CGGBP1: variants seen among roughly 807,000 people sequenced by gnomAD.
The protein encoded by CGGBP1 is CGG triplet repeat-binding protein 1.
A neutral mutation model predicts 11.4 loss-of-function variants in CGGBP1; 4 were observed. That is an observed-to-expected ratio of 0.35 (90% CI 0.17 to 0.80). The LOEUF (loss-of-function observed/expected upper bound fraction) is 0.80. Ranked by LOEUF, CGGBP1 falls within the 30% of genes least tolerant of loss-of-function variation. The pLI, the probability that CGGBP1 is intolerant of heterozygous loss-of-function variation, is 0.52. For synonymous variants in CGGBP1, 76 were observed against 74.1 expected, an observed-to-expected ratio of 1.03 and a Z score of -0.13; for missense variants, 135 against 202.1, an observed-to-expected ratio of 0.67 and a Z score of 2.01.
At position 88,055,788 on chromosome 3, in the gene CGGBP1, C is replaced by G; in HGVS notation, c.189G>C (p.Lys63Asn). The G allele has an allele frequency of 1.9e-6, 3 of 1,614,182 alleles. No homozygotes were observed. The highest frequency in any genetic ancestry group is 2.5e-6 in the Non-Finnish European group (3 of 1,180,026). The change falls in exon 4 of 4, where the codon AAG becomes AAC. Residue 63 changes from lysine to asparagine, a missense_variant. Lys to Asn is a moderately conservative substitution (Grantham distance 94, BLOSUM62 0). Transcript: ENST00000482016. The surrounding 1 kb of genome is among the most constrained non-coding windows in gnomAD (Gnocchi z 4.2). ...VRKSAISDHL[K>N]SKTHTKRKAE... ...CCTTCCTCTTGGTATGAGTCTTTGA[C>G]TTGAGGTGGTCACTAATGGCAGACT... is the stretch of plus-strand genomic sequence containing the variant.
chr3:88,123,011 CAA>C (rs1289535548), intron 2 of CGGBP1, among the ~76,000 whole-genome samples: 23 of 76,056 alleles, frequency 3.0e-4, no homozygotes, highest in East Asian at 3.6e-4. Context: ...CTCTGAGTCT[CAA>C]AAAAAAAAAA....
chr3:88,115,393 A>G (rs1705330174), intron 2 of CGGBP1, among the ~76,000 whole-genome samples: 1 of 152,238 alleles, frequency 6.6e-6, no homozygotes, highest in African/African-American at 2.4e-5. Context: ...AATGGAGGCA[A>G]TAACTATACT....
intron 2 of CGGBP1, among the ~76,000 whole-genome samples, chr3:88,119,004 A>G (rs1705587878): frequency 1.3e-5 from 2 of 148,252 alleles, no homozygotes; most frequent in South Asian, 2.2e-4. Context: ...AGAACTGGAA[A>G]TACCATTTGA....
chr3:88,079,356 T>G (rs1707967568), intron 2 of CGGBP1, among the ~76,000 whole-genome samples: 1 of 152,084 alleles, frequency 6.6e-6, no homozygotes, highest in South Asian at 2.1e-4. Context: ...GATGAAAGGA[T>G]AGCAGATATT....
At chr3:88,141,044 T>C (rs376086656) in exon 2 of CGGBP1, 2 of 1,590,314 alleles carry the variant, frequency 1.3e-6, no homozygotes, top group East Asian at 2.2e-5. Context: ...ATTCAGATGA[T>C]GAAAGTAAGT....
At chr3:88,096,736 T>C (rs979044405) in intron 2 of CGGBP1, among the ~76,000 whole-genome samples, 1 of 152,118 alleles carries the variant, frequency 6.6e-6, no homozygotes, top group African/African-American at 2.4e-5. Flanking sequence ...AGGTAATACA[T>C]GTTCATGGTT....
At chr3:88,059,241 A>G (rs116822668), upstream of CGGBP1, 8,638 of 1,520,898 alleles carry the variant, frequency 5.7e-3, 375 homozygotes, top group African/African-American at 0.099. Flanking sequence ...GGAACTAGAG[A>G]GGAGGAGGAG....
intron 2 of CGGBP1, among the ~76,000 whole-genome samples, chr3:88,100,460 A>G (rs1450235805): frequency 5.9e-5 from 9 of 152,224 alleles, no homozygotes; most frequent in African/African-American, 2.2e-4. Flanking sequence ...TGACCCAGCC[A>G]TCCCATTACT....
At chr3:88,061,621 G>A (rs183527051), upstream of CGGBP1, among the ~76,000 whole-genome samples, 1 of 152,122 alleles carries the variant, frequency 6.6e-6, no homozygotes, top group East Asian at 1.9e-4. Flanking sequence ...GCTTTTAGAT[G>A]GAATAAAATA....
intron 2 of CGGBP1, among the ~76,000 whole-genome samples, chr3:88,075,309 G>A (rs1185202912): frequency 6.6e-6 from 1 of 152,150 alleles, no homozygotes; most frequent in Non-Finnish European, 1.5e-5. Context: ...CCTGTGTTCT[G>A]CTCTTGCATC....
At chr3:88,075,619 T>G (rs13095505) in intron 2 of CGGBP1, among the ~76,000 whole-genome samples, 3,090 of 152,360 alleles carry the variant, frequency 0.02, 47 homozygotes, top group Middle Eastern at 0.041. Flanking sequence ...TTTGTTCTAC[T>G]TTATTGGCAG....
At chr3:88,102,296 T>C (rs1359623524) in intron 2 of CGGBP1, among the ~76,000 whole-genome samples, 2 of 152,202 alleles carry the variant, frequency 1.3e-5, no homozygotes, top group African/African-American at 4.8e-5. Flanking sequence ...TCAGGGATGC[T>C]ACCTGAAGGG....
chr3:88,135,040 C>T, intron 2 of CGGBP1: 1 of 1,354,716 alleles, frequency 7.4e-7, no homozygotes, highest in Non-Finnish European at 9.5e-7. Context: ...TTTGATAATT[C>T]TCTTTTTTTC....
intron 2 of CGGBP1, among the ~76,000 whole-genome samples, chr3:88,136,507 CAG>C (rs1209138522): frequency 6.6e-6 from 1 of 152,160 alleles, no homozygotes; most frequent in Non-Finnish European, 1.5e-5. Flanking sequence ...AAAGGGTTCA[CAG>C]AGGAAATAAT....
chr3:88,141,421 T>C (rs147459968), intron 1 of CGGBP1, among the ~76,000 whole-genome samples: 2 of 152,078 alleles, frequency 1.3e-5, no homozygotes, highest in East Asian at 1.9e-4. Context: ...ATTTTTCATA[T>C]GCATTCCAGA....
intron 2 of CGGBP1, among the ~76,000 whole-genome samples, chr3:88,098,116 C>CA (rs1413232456): frequency 2.0e-5 from 3 of 151,996 alleles, no homozygotes; most frequent in African/African-American, 7.2e-5. Flanking sequence ...AGAGAAGAAT[C>CA]AAATAGATGC....
chr3:88,130,366 A>AT (rs941836036), intron 2 of CGGBP1, among the ~76,000 whole-genome samples: 7 of 152,274 alleles, frequency 4.6e-5, no homozygotes, highest in African/African-American at 1.2e-4. Context: ...GGCTATAAAC[A>AT]TTTTTTTAAA....
intron 2 of CGGBP1, among the ~76,000 whole-genome samples, chr3:88,111,071 T>G (rs1283071154): frequency 6.6e-6 from 1 of 152,050 alleles, no homozygotes; most frequent in South Asian, 2.1e-4. Flanking sequence ...TTTAGGAAGA[T>G]AATAACTGCT....
chr3:88,067,131 A>G (rs917373380), intron 2 of CGGBP1, among the ~76,000 whole-genome samples: 9 of 152,232 alleles, frequency 5.9e-5, no homozygotes, highest in African/African-American at 1.9e-4. Flanking sequence ...TGTCAATTAT[A>G]TAAGGCACTG....
Sources: gnomAD v4.1 joint callset for allele counts (sites outside exome capture counted in the v4.1 genomes callset) on GRCh38, gnomAD v4.1.1 for gene constraint, Gnocchi (gnomAD v3.1) non-coding constraint, MANE v1.5 for transcripts, NCBI Gene and HGNC (gene_info 2026-07-23, HGNC 2026-07-21) for gene names.